PTPDC1: variants seen among roughly 807,000 people sequenced by gnomAD.
PTPDC1 encodes protein tyrosine phosphatase domain containing 1.
A neutral mutation model predicts 75.3 loss-of-function variants in PTPDC1; 53 were observed. The observed-to-expected ratio is 0.70, with a 90% CI of 0.56 to 0.88. PTPDC1 has a LOEUF of 0.88. Among genes scored for constraint, PTPDC1 ranks in the 40% least tolerant of loss-of-function variants. The probability of loss-of-function intolerance (pLI) is 0.00; values close to 1 mark genes in which losing one functional copy is unlikely to be tolerated. For missense variants in PTPDC1, 925 were observed against 998.6 expected (o/e 0.93, Z 0.99); for synonymous variants, 349 against 366.2 (o/e 0.95, Z 0.54).
rs1470261304 is a variant in PTPDC1 at position 94,078,734 on chromosome 9, C to T, written c.83-6517C>T. Among the ~76,000 whole-genome samples the T allele has an allele frequency of 3.3e-5, 5 of 152,118 alleles. No individual in the cohort carries two copies. In the East Asian group the frequency reaches 9.6e-4, roughly 29 times the overall value. On this transcript the variant is annotated intron_variant, in intron 2 of 9. Transcript: ENST00000375360. ...TTATCTTCAGGTTCTCTAATTCTTC[C>T]TTCTGCCACTTCAGATCCTCTGTTG...
rs773713411 is a variant in PTPDC1, at chr9:94,098,318, TG to T, written c.1754del (p.Gly585ValfsTer54). 2 of 1,614,182 alleles carry T rather than the reference TG, an allele frequency of 1.2e-6. No homozygotes were observed. Among genetic ancestry groups the T allele is most frequent in the South Asian group, 2.2e-5 (2 of 91,082 alleles). On this transcript the variant is annotated frameshift_variant, in exon 6 of 9. Coordinates refer to ENST00000620992, the MANE Select transcript of PTPDC1 (RefSeq NM_001253829.2). LOFTEE classifies it high-confidence loss of function. ...QVSHCQCKTH[G>X]VGSPGSVRQN... ...TGTCTCACTGTCAGTGTAAAACTCA[TG>T]GTGTTGGGAGCCCTGGCTCTGTCAG...
At chr9:94,058,217 C>T (rs1465115974) in intron 1 of PTPDC1, among the ~76,000 whole-genome samples, 1 of 152,066 alleles carries the variant, frequency 6.6e-6, no homozygotes, top group Non-Finnish European at 1.5e-5. Flanking sequence ...CAGGAAGGTG[C>T]AGAGGGCCCT....
chr9:94,103,018 A>G lies in PTPDC1; in HGVS notation c.2200-1257A>G, dbSNP rs574399764. Among the ~76,000 whole-genome samples, 15 of 92,310 alleles carry G rather than the reference A, an allele frequency of 1.6e-4. No individual in the cohort carries two copies. In the South Asian group the frequency reaches 4.2e-3, roughly 26 times the overall value. 60.6% of individuals were successfully genotyped at this position (92,310 alleles called of 152,430 possible). ...CACACACACACACACACACACACAC[A>G]CACGGACACATGGACGGATGCACAT... On this transcript the variant is annotated intron_variant, in intron 7 of 8. Transcript: ENST00000620992.
intron 1 of PTPDC1, among the ~76,000 whole-genome samples, chr9:94,040,614 T>G (rs1272380989): frequency 6.6e-6 from 1 of 152,078 alleles, no homozygotes; most frequent in Non-Finnish European, 1.5e-5. Context: ...AAATAACATA[T>G]AAAGGAAAAA....
intron 2 of PTPDC1, among the ~76,000 whole-genome samples, chr9:94,066,521 A>G (rs913551632): frequency 6.6e-6 from 1 of 152,182 alleles, no homozygotes; most frequent in Non-Finnish European, 1.5e-5. Flanking sequence ...AGACAGAACT[A>G]GAGTTAAATC....
intron 1 of PTPDC1, among the ~76,000 whole-genome samples, chr9:94,049,713 A>T (rs1181362724): frequency 6.6e-6 from 1 of 152,046 alleles, no homozygotes; most frequent in Non-Finnish European, 1.5e-5. Context: ...CTTCTCAAGG[A>T]GTATCTTTGT....
intron 1 of PTPDC1, among the ~76,000 whole-genome samples, chr9:94,032,886 G>A (rs1357544218): frequency 1.3e-5 from 2 of 151,980 alleles, no homozygotes; most frequent in Non-Finnish European, 2.9e-5. Flanking sequence ...GTTTGAAACA[G>A]TGTCTCGCTC....
intron 2 of PTPDC1, among the ~76,000 whole-genome samples, chr9:94,087,204 G>T (rs185275031): frequency 1.3e-5 from 2 of 152,162 alleles, no homozygotes; most frequent in East Asian, 3.9e-4. Flanking sequence ...ATACTTTGCT[G>T]GAATCCACAA....
chr9:94,090,487 G>C (rs1320292878), intron 4 of PTPDC1, among the ~76,000 whole-genome samples: 1 of 139,008 alleles, frequency 7.2e-6, no homozygotes, highest in African/African-American at 2.7e-5. Context: ...CTGTAGCCTT[G>C]TAGTATAGTT....
chr9:94,093,266 T>G (rs10821291), intron 4 of PTPDC1, among the ~76,000 whole-genome samples: 77,391 of 144,452 alleles, frequency 0.54, 21,151 homozygotes, highest in African/African-American at 0.65. Flanking sequence ...AGGAGCTCTT[T>G]TAGGGCAGGC....
chr9:94,037,549 T>C (rs1825309352), intron 1 of PTPDC1, among the ~76,000 whole-genome samples: 1 of 152,208 alleles, frequency 6.6e-6, no homozygotes, highest in Non-Finnish European at 1.5e-5. Flanking sequence ...TCTAATAATA[T>C]ATGGTAAGTA....
At chr9:94,107,541 T>C (rs1430066410) in intron 8 of PTPDC1, among the ~76,000 whole-genome samples, 1 of 152,194 alleles carries the variant, frequency 6.6e-6, no homozygotes. Context: ...TCTCAAAAAA[T>C]TCACTTCACA....
Position 94,097,698 on chromosome 9 carries a change from A to G in PTPDC1, c.1132A>G (p.Met378Val), listed in dbSNP as rs997414673. 6 of 1,614,074 alleles carry G rather than the reference A, an allele frequency of 3.7e-6. No homozygotes were observed. Among genetic ancestry groups the G allele is most frequent in the South Asian group, 2.2e-5 (2 of 91,088 alleles). Reference protein sequence around the residue: ...PGLSAEIEKTMSEMVTMQLDK... With the variant: ...PGLSAEIEKTVSEMVTMQLDK... ...TCTCTCTGCTGAAATAGAAAAGACA[A>G]TGTCTGAGATGGTCACCATGCAGCT... Residue 378 changes from methionine (M) to valine (V), a missense_variant, in exon 6 of 9, where the codon ATG (methionine) becomes GTG (valine). Physicochemically the swap from Met to Val is conservative, Grantham distance 21. Coordinates refer to ENST00000620992, the MANE Select transcript of PTPDC1 (RefSeq NM_001253829.2).
rs184590829 is a variant in PTPDC1, at chr9:94,066,622, A to G, written c.82+1801A>G. 1.6e-3 allele frequency among the ~76,000 whole-genome samples: 239 copies of G among 152,188 alleles called. 6 individuals are homozygous for G. The East Asian group carries it at 0.041, about 26-fold the overall frequency. On this transcript the variant is annotated intron_variant, in intron 2 of 9. Coordinates refer to the PTPDC1 transcript ENST00000375360. ...GCCTAGGCTGGAGGGCAGTGATGCA[A>G]TCTTGGCTCACTGCAGCCTCCGCCT... is the stretch of plus-strand genomic sequence containing the variant.
chr9:94,082,557 A>G (rs1022114399), upstream of PTPDC1, among the ~76,000 whole-genome samples: 2 of 152,202 alleles, frequency 1.3e-5, no homozygotes, highest in Non-Finnish European at 2.9e-5. Flanking sequence ...TGTTCCTTAA[A>G]TATTATTCTA....
rs541495715 is a variant in PTPDC1, at chr9:94,067,402, T to A, written c.82+2581T>A. Among the ~76,000 whole-genome samples, 436 of 149,502 alleles carry A rather than the reference T, an allele frequency of 2.9e-3. 5 individuals are homozygous for A. Among genetic ancestry groups the A allele is most frequent in the South Asian group, 0.016 (76 of 4,752 alleles). On this transcript the variant is annotated intron_variant, in intron 2 of 9. Coordinates refer to the PTPDC1 transcript ENST00000375360. The stretch of plus-strand genomic sequence containing the variant: ...GAGACTCCATCTCAAAAAAAAAAAA[T>A]AATAATAATAATAATAAACCACATT...
intron 1 of PTPDC1, among the ~76,000 whole-genome samples, chr9:94,055,336 G>A (rs1825899401): frequency 6.6e-6 from 1 of 152,150 alleles, no homozygotes; most frequent in Non-Finnish European, 1.5e-5. Flanking sequence ...CAGCAGTTGT[G>A]CTACTTGGTA....
intron 7 of PTPDC1, among the ~76,000 whole-genome samples, chr9:94,103,131 TACACTC>T (rs1311514253): frequency 6.6e-6 from 1 of 152,074 alleles, no homozygotes; most frequent in East Asian, 1.9e-4. Context: ...CACACACACA[TACACTC>T]ACATACCACA....
intron 1 of PTPDC1, among the ~76,000 whole-genome samples, chr9:94,032,097 A>C (rs551357977): frequency 6.6e-6 from 1 of 152,200 alleles, no homozygotes; most frequent in Non-Finnish European, 1.5e-5. Flanking sequence ...TGTCACAGTC[A>C]GAGCTATTAA....
Sources: gnomAD v4.1 joint callset for allele counts (sites outside exome capture counted in the v4.1 genomes callset) on GRCh38, gnomAD v4.1.1 for gene constraint, MANE v1.5 for transcripts, NCBI Gene and HGNC (gene_info 2026-07-23, HGNC 2026-07-21) for gene names.